The following GALNT15 variants were observed in gnomAD, a reference collection of about 807,000 sequenced individuals.
GALNT15 encodes the protein polypeptide N-acetylgalactosaminyltransferase 15, also known as UDP-GalNAc transferase T15.
GALNT15 carries 67 observed loss-of-function variants against 66.8 expected under a neutral mutation model. The ratio of observed to expected loss-of-function variants is 1.00; its 90% CI spans 0.82 to 1.23. The LOEUF (loss-of-function observed/expected upper bound fraction) is 1.23, where lower values mean the gene tolerates loss of function less well. Among genes scored for constraint, GALNT15 ranks in the 50% most tolerant of loss-of-function variants. The pLI is 0.00. For synonymous variants in GALNT15, 313 were observed against 311.5 expected, an observed-to-expected ratio of 1.00 and a Z score of -0.05; for missense variants, 827 against 804.3, an observed-to-expected ratio of 1.03 and a Z score of -0.34.
intron 2 of GALNT15, among the ~76,000 whole-genome samples, chr3:16,196,616 C>G (rs7639965): frequency 0.13 from 20,365 of 152,122 alleles, 2,517 homozygotes; most frequent in African/African-American, 0.33. Flanking sequence ...TCACCTGGTG[C>G]GATTTTTAAA....
intron 2 of GALNT15, among the ~76,000 whole-genome samples, chr3:16,198,659 C>A (rs1392957496): frequency 1.4e-5 from 2 of 142,684 alleles, no homozygotes; most frequent in African/African-American, 5.2e-5. Flanking sequence ...GACAGTCTTA[C>A]CAGAAAAATA....
chr3:16,194,927 CACATGTTT>C (rs1437014224), intron 1 of GALNT15, among the ~76,000 whole-genome samples: 1 of 152,176 alleles, frequency 6.6e-6, no homozygotes, highest in African/African-American at 2.4e-5. Context: ...ACCACTATGG[CACATGTTT>C]ACCTATGTAG....
rs747112965 is a variant in GALNT15 at position 16,222,710 on chromosome 3, C to T, written c.1725C>T (p.Cys575=). 5.0e-6 allele frequency: 8 copies of T among 1,614,112 alleles called. No homozygotes were observed. Among genetic ancestry groups the T allele is most frequent in the Admixed American group, 3.3e-5 (2 of 60,004 alleles). The part of the protein sequence containing the change: ...VRQEQVILQN[C]TEEGLAIHQQ... ...AGGAGCAGGTGATTCTTCAGAACTG[C>T]ACGGAGGAAGGCCTGGCCATCCACC... The change falls in exon 9 of 10, where the codon TGC becomes TGT. Residue 575 remains cysteine (C), a synonymous_variant. Coordinates refer to ENST00000339732, the MANE Select transcript of GALNT15 (RefSeq NM_054110.5).
intron 5 of GALNT15, 123 bp from the exon 6 acceptor site, chr3:16,212,446 C>A: frequency 1.2e-6 from 1 of 869,128 alleles, no homozygotes; most frequent in Non-Finnish European, 1.8e-6. Context: ...CCATAATCAT[C>A]TTCACCATTG....
Position 16,211,115 on chromosome 3 carries a change from T to C in GALNT15, c.1080-9T>C, listed in dbSNP as rs141549925. ...GAACTGCAGTGTCCTGCCTGTCTTC[T>C]GTGTCCAGGAGCCCTGTGGTGCCCG... On this transcript the variant is annotated splice_polypyrimidine_tract_variant and intron_variant, in intron 4 of 9. Transcript: ENST00000339732. This position sits in a 1 kb window ranked among gnomAD's most constrained non-coding sequence, Gnocchi z 4.3. 738 of 1,602,868 alleles carry C rather than the reference T, an allele frequency of 4.6e-4. 7 individuals are homozygous for C. The African/African-American group carries it at 8.7e-3, about 19-fold the overall frequency.
the GALNT15 span, among the ~76,000 whole-genome samples, chr3:16,238,280 ATC>A: frequency 6.6e-6 from 1 of 152,124 alleles, no homozygotes; most frequent in Non-Finnish European, 1.5e-5. The surrounding 1 kb of genome is among the most constrained non-coding windows in gnomAD (Gnocchi z 4.8). Context: ...AGACAGTAAT[ATC>A]TCTGTGACCA....
chr3:16,238,900 A>T, the GALNT15 span, among the ~76,000 whole-genome samples: 1 of 152,238 alleles, frequency 6.6e-6, no homozygotes, highest in Non-Finnish European at 1.5e-5. The surrounding 1 kb of genome is among the most constrained non-coding windows in gnomAD (Gnocchi z 4.8). Flanking sequence ...AAAGAACTTT[A>T]GTCATCTCAC....
At chr3:16,237,598 C>T in the GALNT15 span, among the ~76,000 whole-genome samples, 2 of 152,162 alleles carry the variant, frequency 1.3e-5, no homozygotes, top group African/African-American at 4.8e-5. The surrounding 1 kb of genome is among the most constrained non-coding windows in gnomAD (Gnocchi z 4.2). Flanking sequence ...GATCTGAGTA[C>T]CCAGGTGGAA....
chr3:16,231,982 G>T, downstream of GALNT15: 1 of 1,473,640 alleles, frequency 6.8e-7, no homozygotes, highest in Non-Finnish European at 8.9e-7. The surrounding 1 kb of genome is among the most constrained non-coding windows in gnomAD (Gnocchi z 4.1). Flanking sequence ...ATAAAATCCA[G>T]AAAAACTGGA....
At chr3:16,240,955 C>T in the GALNT15 span, among the ~76,000 whole-genome samples, 1 of 152,134 alleles carries the variant, frequency 6.6e-6, no homozygotes, top group African/African-American at 2.4e-5. Flanking sequence ...CACCCTTTTC[C>T]TTGTCTCTGC....
At position 16,175,243 on chromosome 3, in the gene GALNT15, C is replaced by T. The variant is rs773183021; in HGVS notation, c.92C>T (p.Ala31Val). ...LMLGCVLMMV[A>V]MLHPPHHTLH... ...CTGGGATGCGTCCTGATGATGGTGGCGATGTTGCACCCTCCCCACCACACC... is the reference window on the plus strand; with the variant it reads ...CTGGGATGCGTCCTGATGATGGTGGTGATGTTGCACCCTCCCCACCACACC... Residue 31 changes from alanine to valine, a missense_variant, in exon 1 of 10, where the codon GCG becomes GTG. Physicochemically the swap from Ala to Val is moderately conservative, Grantham distance 64 (BLOSUM62 0). Coordinates refer to ENST00000339732, the MANE Select transcript of GALNT15 (RefSeq NM_054110.5). The surrounding 1 kb of genome is among the most constrained non-coding windows in gnomAD (Gnocchi z 5.6). 1.4e-5 allele frequency: 22 copies of T among 1,613,980 alleles called. No homozygotes were observed. The highest frequency in any genetic ancestry group is 1.5e-5 in the Non-Finnish European group (18 of 1,180,004).
rs922849323 is a variant in GALNT15, at chr3:16,176,525, C to A, written c.539+835C>A. On this transcript the variant is annotated intron_variant, in intron 1 of 9. Coordinates refer to ENST00000339732, the MANE Select transcript of GALNT15 (RefSeq NM_054110.5). The surrounding 1 kb of genome is among the most constrained non-coding windows in gnomAD (Gnocchi z 5.6). ...ATTTACCCTGCCAGGGCAGCCCCAG[C>A]CCCAGGAGGTAAGCTGAGAAGTGTA... Among the ~76,000 whole-genome samples the A allele has an allele frequency of 6.6e-6, 1 of 152,188 alleles. No homozygotes were observed. The highest frequency in any genetic ancestry group is 1.5e-5 in the Non-Finnish European group (1 of 68,032).
downstream of GALNT15, among the ~76,000 whole-genome samples, chr3:16,235,998 G>A (rs1487130247): frequency 2.7e-5 from 4 of 150,640 alleles, no homozygotes; most frequent in South Asian, 4.2e-4. Flanking sequence ...CCATCTACTC[G>A]GGAGGCTGAG....
chr3:16,174,888 C>A lies in GALNT15; in HGVS notation c.-264C>A. 6.3e-6 allele frequency: 3 copies of A among 474,350 alleles called. No individual in the cohort carries two copies. The highest frequency in any genetic ancestry group is 3.7e-6 in the Non-Finnish European group (1 of 266,728). The allele number at this position is 474,350 out of a possible 1,614,324, so 29.4% of individuals were successfully genotyped here. ...GAGGGAAGCAATTCAATTTGAAGTC[C>A]CTGTGAATGGGCTTTCAGAAGGCAA... On this transcript the variant is annotated 5_prime_UTR_variant, in exon 1 of 10. Transcript: ENST00000339732. The surrounding 1 kb of genome is among the most constrained non-coding windows in gnomAD (Gnocchi z 4.7).
rs2063486121 is a variant in GALNT15, at chr3:16,183,153, A to G, written c.539+7463A>G. The G allele has an allele frequency of 6.6e-6, 1 of 152,274 alleles. No individual in the cohort carries two copies. The highest frequency in any genetic ancestry group is 6.5e-5 in the Admixed American group (1 of 15,280). The allele number at this position is 152,274 out of a possible 1,614,324, so 9.4% of individuals were successfully genotyped here. ...GATCCCCTGAACCCCTCCAGAAGTGAGCTGTGAGAGTTTGGAGAACCTGCA... is the reference window on the plus strand; with the variant it reads ...GATCCCCTGAACCCCTCCAGAAGTGGGCTGTGAGAGTTTGGAGAACCTGCA... On this transcript the variant is annotated intron_variant, in intron 1 of 9. Transcript: ENST00000339732. This position sits in a 1 kb window ranked among gnomAD's most constrained non-coding sequence, Gnocchi z 5.2.
chr3:16,231,976 A>T, downstream of GALNT15: 1 of 1,480,302 alleles, frequency 6.8e-7, no homozygotes, highest in South Asian at 1.3e-5. This position sits in a 1 kb window ranked among gnomAD's most constrained non-coding sequence, Gnocchi z 4.1. Context: ...ATTTAAATAA[A>T]ATCCAGAAAA....
chr3:16,213,333 T>C (rs1358279520), intron 6 of GALNT15, among the ~76,000 whole-genome samples: 1 of 149,928 alleles, frequency 6.7e-6, no homozygotes, highest in Admixed American at 6.7e-5. Flanking sequence ...TGGGCGCCTG[T>C]GGTCCCTGCT....
At chr3:16,226,312 G>C (rs2064017386) in intron 9 of GALNT15, among the ~76,000 whole-genome samples, 1 of 152,092 alleles carries the variant, frequency 6.6e-6, no homozygotes, top group Admixed American at 6.6e-5. Context: ...CCACCAACTT[G>C]TGTACTTTAA....
chr3:16,179,118 A>T (rs1366708310), intron 1 of GALNT15, among the ~76,000 whole-genome samples: 1 of 152,230 alleles, frequency 6.6e-6, no homozygotes, highest in Non-Finnish European at 1.5e-5. Flanking sequence ...AAAAGAGGTC[A>T]AAAGACAGTC....
Sources: allele counts gnomAD v4.1 joint callset (sites outside exome capture counted in the v4.1 genomes callset), GRCh38; gene constraint gnomAD v4.1.1; non-coding constraint Gnocchi (gnomAD v3.1); transcripts MANE v1.5; gene names NCBI Gene and HGNC (gene_info 2026-07-23, HGNC 2026-07-21).